The following DCDC1 variants were observed in gnomAD, a reference collection of about 807,000 sequenced individuals.
DCDC1 encodes the protein doublecortin domain containing 1, also known as doublecortin domain-containing protein 1.
DCDC1 carries 200 observed loss-of-function variants against 178.3 expected under a neutral mutation model. The observed-to-expected ratio is 1.12, with a 90% confidence interval of 1.00 to 1.26. The LOEUF is 1.26. Ranked by LOEUF, DCDC1 falls within the 50% of genes most tolerant of loss-of-function variation. The probability of loss-of-function intolerance (pLI) is 0.00; values close to 1 mark genes in which losing one functional copy is unlikely to be tolerated. For synonymous variants in DCDC1, 690 were observed against 604.8 expected, an observed-to-expected ratio of 1.14 and a Z score of -2.07; for missense variants, 1,983 against 1,749.2, an observed-to-expected ratio of 1.13 and a Z score of -2.38.
chr11:31,363,154 T>C (rs1228900340), intron 1 of DCDC1, among the ~76,000 whole-genome samples: 1 of 152,142 alleles, frequency 6.6e-6, no homozygotes, highest in Admixed American at 6.5e-5. Context: ...TAATTATATA[T>C]TAACTATTTT....
At chr11:31,038,653 C>A (rs1465611330) in intron 20 of DCDC1, among the ~76,000 whole-genome samples, 2 of 152,144 alleles carry the variant, frequency 1.3e-5, no homozygotes, top group Non-Finnish European at 2.9e-5. Flanking sequence ...TGACCTGTTT[C>A]ACTTTCTGGC....
At chr11:31,032,898 ACTC>A (rs1249654125) in intron 20 of DCDC1, among the ~76,000 whole-genome samples, 19 of 152,066 alleles carry the variant, frequency 1.2e-4, no homozygotes, top group African/African-American at 4.1e-4. Context: ...AACATAATCA[ACTC>A]CTGCAATTTA....
At chr11:31,019,983 T>A (rs1452551700) in intron 20 of DCDC1, among the ~76,000 whole-genome samples, 1 of 152,124 alleles carries the variant, frequency 6.6e-6, no homozygotes, top group African/African-American at 2.4e-5. Flanking sequence ...ACCTCATTCC[T>A]CTTCATCCCA....
intron 20 of DCDC1, among the ~76,000 whole-genome samples, chr11:30,974,646 C>T (rs1950002586): frequency 6.6e-6 from 1 of 152,030 alleles, no homozygotes. Flanking sequence ...ATACAACCTA[C>T]CAAGATTAAA....
intron 36 of DCDC1, chr11:30,883,482 A>T: frequency 4.3e-6 from 2 of 461,528 alleles, no homozygotes; most frequent in South Asian, 3.2e-5. Flanking sequence ...TTCCTGCTCC[A>T]AATAAAGATC....
At chr11:30,876,451 C>A (rs1002673866) in intron 38 of DCDC1, among the ~76,000 whole-genome samples, 2 of 152,116 alleles carry the variant, frequency 1.3e-5, no homozygotes, top group Non-Finnish European at 2.9e-5. Context: ...TATGAACTAC[C>A]AAGATACCCA....
intron 9 of DCDC1, among the ~76,000 whole-genome samples, chr11:31,178,846 C>A (rs568081475): frequency 6.6e-6 from 1 of 152,188 alleles, no homozygotes; most frequent in African/African-American, 2.4e-5. Flanking sequence ...GCGCCTGCCA[C>A]CACACCTGGC....
chr11:30,920,734 A>G, intron 25 of DCDC1, 42 bp downstream of exon 25: 1 of 1,604,520 alleles, frequency 6.2e-7, no homozygotes, highest in Non-Finnish European at 8.5e-7. Context: ...GCTGAGTTCA[A>G]AAAGCAGCCA....
At chr11:30,909,202 G>T in intron 28 of DCDC1, 86 bp from the exon 29 acceptor site, 1 of 1,215,242 alleles carries the variant, frequency 8.2e-7, no homozygotes, top group Non-Finnish European at 1.1e-6. Flanking sequence ...TCCAGAAAGT[G>T]CAGATAATTA....
At chr11:31,249,912 T>TA (rs1260322097) in intron 8 of DCDC1, among the ~76,000 whole-genome samples, 1 of 152,102 alleles carries the variant, frequency 6.6e-6, no homozygotes, top group Non-Finnish European at 1.5e-5. Context: ...CAGGAAAACA[T>TA]ACAGTAATCA....
chr11:31,279,449 T>C (rs1946256942), intron 7 of DCDC1, among the ~76,000 whole-genome samples: 1 of 152,162 alleles, frequency 6.6e-6, no homozygotes, highest in Non-Finnish European at 1.5e-5. Flanking sequence ...ACACGTATGT[T>C]TATTGTGGCA....
chr11:31,239,961 T>C (rs1355963058), intron 9 of DCDC1, among the ~76,000 whole-genome samples: 1 of 151,928 alleles, frequency 6.6e-6, no homozygotes, highest in Non-Finnish European at 1.5e-5. Context: ...CCATTATTTC[T>C]GGGATGTTTC....
chr11:30,908,984 T>A lies in DCDC1; in HGVS notation c.3880A>T (p.Thr1294Ser), dbSNP rs753320115. The A allele has an allele frequency of 4.5e-5, 73 of 1,609,634 alleles. No individual in the cohort carries two copies. The East Asian group carries it at 1.6e-3, about 36-fold the overall frequency. Residue 1294 changes from threonine (T) to serine (S), a missense_variant, in exon 29 of 39, where the codon ACA becomes TCA. Thr to Ser is a moderately conservative substitution (Grantham distance 58). Coordinates refer to ENST00000684477, the MANE Select transcript of DCDC1 (RefSeq NM_001387274.1). ...ITSANYAGVC[T>S]SSVIKEENID... ...TTTTCTTCTTTAATCACAGATGATG[T>A]ACAGACACCAGCATAATTTGCTGAT...
At chr11:31,281,283 T>C (rs903659471) in intron 7 of DCDC1, among the ~76,000 whole-genome samples, 1 of 152,066 alleles carries the variant, frequency 6.6e-6, no homozygotes, top group African/African-American at 2.4e-5. Context: ...CCCAATAGCA[T>C]GTTAAGCTGA....
chr11:31,133,078 T>A (rs1013998904), intron 10 of DCDC1, among the ~76,000 whole-genome samples: 1 of 152,232 alleles, frequency 6.6e-6, no homozygotes, highest in Non-Finnish European at 1.5e-5. Context: ...ATTCTGTTTA[T>A]AATCAGTCTT....
intron 9 of DCDC1, among the ~76,000 whole-genome samples, chr11:31,187,411 C>A (rs1356890897): frequency 6.6e-6 from 1 of 152,100 alleles, no homozygotes; most frequent in Non-Finnish European, 1.5e-5. Flanking sequence ...TTGGAAAGCA[C>A]TGGCAAGATC....
chr11:30,998,537 GCAA>G (rs1951398708), intron 20 of DCDC1, among the ~76,000 whole-genome samples: 1 of 151,868 alleles, frequency 6.6e-6, no homozygotes, highest in Admixed American at 6.6e-5. Context: ...TATTTTCCTT[GCAA>G]AAGAATTCCA....
intron 8 of DCDC1, among the ~76,000 whole-genome samples, chr11:31,249,562 G>A (rs529183858): frequency 6.6e-6 from 1 of 152,232 alleles, no homozygotes; most frequent in South Asian, 2.1e-4. Context: ...CTGGAACCAA[G>A]GAAAAGTCAA....
chr11:31,005,023 G>C (rs747929820), intron 20 of DCDC1, among the ~76,000 whole-genome samples: 18 of 152,076 alleles, frequency 1.2e-4, no homozygotes, highest in Non-Finnish European at 2.4e-4. Flanking sequence ...AATATATATT[G>C]TATTAGTGAA....
Sources: gnomAD v4.1 joint callset for allele counts (sites outside exome capture counted in the v4.1 genomes callset) on GRCh38, gnomAD v4.1.1 for gene constraint, MANE v1.5 for transcripts, NCBI Gene and HGNC (gene_info 2026-07-23, HGNC 2026-07-21) for gene names.